PAFAH1B1: variants seen among roughly 807,000 people sequenced by gnomAD.
The protein encoded by PAFAH1B1 is platelet activating factor acetylhydrolase 1b regulatory subunit 1.
In PAFAH1B1, 2 loss-of-function variants were observed where a neutral mutation model predicts 57.5. The observed-to-expected ratio is 0.03, with a 90% CI of 0.01 to 0.11. The LOEUF (loss-of-function observed/expected upper bound fraction) is 0.11. Ranked by LOEUF, PAFAH1B1 falls within the 10% of genes least tolerant of loss-of-function variation. PAFAH1B1 has a pLI of 1.00. For missense variants in PAFAH1B1, 257 were observed against 512.0 expected, an observed-to-expected ratio of 0.50 and a Z score of 4.81; for synonymous variants, 152 against 169.6, an observed-to-expected ratio of 0.90 and a Z score of 0.81.
At chr17:2,663,118 TAAAG>T (rs142435679) in intron 2 of PAFAH1B1, among the ~76,000 whole-genome samples, 10,953 of 149,694 alleles carry the variant, frequency 0.073, 584 homozygotes, top group Non-Finnish European at 0.11. Context: ...TGTCTCTAAA[TAAAG>T]AAAGAAAGAG....
chr17:2,662,614 A>G (rs2069033544), intron 2 of PAFAH1B1, among the ~76,000 whole-genome samples: 1 of 151,898 alleles, frequency 6.6e-6, no homozygotes, highest in South Asian at 2.1e-4. Context: ...CATGTTGGCC[A>G]GGCTGCTCTT....
intron 1 of PAFAH1B1, among the ~76,000 whole-genome samples, chr17:2,626,278 T>C (rs970572731): frequency 6.6e-6 from 1 of 152,064 alleles, no homozygotes; most frequent in African/African-American, 2.4e-5. Flanking sequence ...ATTTCTGTTT[T>C]CATGTGGTAT....
chr17:2,621,605 G>GTTTTTTTTTTTTTTTTTTTTTT lies in PAFAH1B1; in HGVS notation c.-190-16493_-190-16492insTTTTTTTTTTTTTTTTTTTTTT, dbSNP rs2068421993. On this transcript the variant is annotated intron_variant, in intron 1 of 10. Coordinates refer to ENST00000397195, the MANE Select transcript of PAFAH1B1 (RefSeq NM_000430.4). The stretch of plus-strand genomic sequence containing the variant: ...GCTATTCAAGCATGGTAGATAATCT[G>GTTTTTTTTTTTTTTTTTTTTTT]TCTTTTTTTTTTTTTTTTTTTTTTT... Among the ~76,000 whole-genome samples the GTTTTTTTTTTTTTTTTTTTTTT allele has an allele frequency of 4.3e-5, 4 of 93,208 alleles. 1 individual carries two copies. The highest frequency in any genetic ancestry group is 4.0e-5 in the Non-Finnish European group (2 of 49,582). 61.1% of individuals were successfully genotyped at this position (93,208 alleles called of 152,430 possible). A position where few individuals can be genotyped will look rare whatever the true frequency, so the allele number is the denominator to read the frequency against.
At chr17:2,672,535 A>G in intron 6 of PAFAH1B1, 120 bp from the exon 7 acceptor site, 1 of 710,660 alleles carries the variant, frequency 1.4e-6, no homozygotes, top group East Asian at 2.7e-5. Flanking sequence ...TATAAAATCC[A>G]GTGTATTTAG....
intron 1 of PAFAH1B1, among the ~76,000 whole-genome samples, chr17:2,626,103 AT>A (rs763279406): frequency 1.2e-4 from 18 of 152,060 alleles, no homozygotes; most frequent in South Asian, 1.0e-3. Flanking sequence ...ATACAAAAAA[AT>A]TTAGCTAGGC....
intron 1 of PAFAH1B1, among the ~76,000 whole-genome samples, chr17:2,618,121 A>G (rs1272265377): frequency 6.7e-6 from 1 of 149,872 alleles, no homozygotes; most frequent in Non-Finnish European, 1.5e-5. Flanking sequence ...GGTGGTGGGC[A>G]CCTGTAATCC....
Position 2,664,665 on chromosome 17 carries a change from G to GCGCTCTCT in PAFAH1B1, c.33-706_33-705insGCTCTCTC. Among the ~76,000 whole-genome samples the GCGCTCTCT allele has an allele frequency of 3.1e-3, 269 of 86,060 alleles. 3 individuals are homozygous for GCGCTCTCT. Among genetic ancestry groups the GCGCTCTCT allele is most frequent in the African/African-American group, 8.7e-3 (223 of 25,646 alleles). 56.5% of individuals were successfully genotyped at this position (86,060 alleles called of 152,430 possible). On this transcript the variant is annotated intron_variant, in intron 2 of 10. Transcript: ENST00000397195. Reference sequence around the variant, plus strand: ...TGATATATATCTATATCTATCTATCGCTCTCTCTCTCTCTCTCTCTCTCTC... The same window carrying GCGCTCTCT: ...TGATATATATCTATATCTATCTATCGCGCTCTCTCTCTCTCTCTCTCTCTCTCTCTCTC...
chr17:2,633,587 T>C (rs372833873), intron 1 of PAFAH1B1, among the ~76,000 whole-genome samples: 33 of 152,280 alleles, frequency 2.2e-4, no homozygotes, highest in East Asian at 9.6e-4. Flanking sequence ...TCATCTACTT[T>C]TAAAATATTT....
chr17:2,631,127 G>T (rs1046962233), intron 1 of PAFAH1B1, among the ~76,000 whole-genome samples: 4 of 152,042 alleles, frequency 2.6e-5, no homozygotes, highest in Non-Finnish European at 4.4e-5. Flanking sequence ...TGTAATCCCA[G>T]CTACTCAGGA....
At chr17:2,620,617 A>G (rs2068407568) in intron 1 of PAFAH1B1, among the ~76,000 whole-genome samples, 1 of 152,136 alleles carries the variant, frequency 6.6e-6, no homozygotes, top group African/African-American at 2.4e-5. Context: ...TAATCCCAGC[A>G]CTTTGGGAGG....
At chr17:2,651,395 G>A (rs534620092) in intron 2 of PAFAH1B1, among the ~76,000 whole-genome samples, 24 of 147,224 alleles carry the variant, frequency 1.6e-4, no homozygotes, top group African/African-American at 5.3e-4. Context: ...TGGCCAACAT[G>A]GCAAAACCCC....
intron 7 of PAFAH1B1, 60 bp from the exon 8 acceptor site, chr17:2,674,000 C>T: frequency 8.3e-7 from 1 of 1,210,688 alleles, no homozygotes; most frequent in Non-Finnish European, 1.2e-6. Flanking sequence ...TTTTATATCA[C>T]TTCTGGGAAG....
intron 3 of PAFAH1B1, 99 bp downstream of exon 3, chr17:2,665,555 T>C: frequency 1.3e-6 from 1 of 752,776 alleles, no homozygotes; most frequent in Non-Finnish European, 2.4e-6. Flanking sequence ...CATTTGTTAT[T>C]GTGGTCTACT....
At chr17:2,601,576 A>G (rs1200493835) in intron 1 of PAFAH1B1, among the ~76,000 whole-genome samples, 1 of 151,586 alleles carries the variant, frequency 6.6e-6, no homozygotes, top group Non-Finnish European at 1.5e-5. Flanking sequence ...CGAGTAGCTG[A>G]GATTACAGGT....
Position 2,655,255 on chromosome 17 carries a change from A to G in PAFAH1B1, c.33-10117A>G, listed in dbSNP as rs117260716. Among the ~76,000 whole-genome samples the G allele has an allele frequency of 3.3e-5, 5 of 151,948 alleles. No individual in the cohort carries two copies. The East Asian group carries it at 9.6e-4, about 29-fold the overall frequency. On this transcript the variant is annotated intron_variant, in intron 2 of 10. Coordinates refer to ENST00000397195, the MANE Select transcript of PAFAH1B1 (RefSeq NM_000430.4). ...ATGTAGGCATCTATAAAGATGATCA[A>G]GATATGATCAAGGTCAAAATTGTTG... is the stretch of plus-strand genomic sequence containing the variant.
At chr17:2,614,804 T>C (rs34761973) in intron 1 of PAFAH1B1, among the ~76,000 whole-genome samples, 23,010 of 151,900 alleles carry the variant, frequency 0.15, 2,325 homozygotes, top group Non-Finnish European at 0.22. Flanking sequence ...CCCAGGCCGG[T>C]GTTAAACTTC....
At chr17:2,646,308 GAA>G (rs1451205635) in intron 2 of PAFAH1B1, among the ~76,000 whole-genome samples, 1 of 152,032 alleles carries the variant, frequency 6.6e-6, no homozygotes, top group Admixed American at 6.6e-5. Flanking sequence ...TTAATAAAGA[GAA>G]AAGACATAAA....
chr17:2,595,460 G>T (rs2068075570), intron 1 of PAFAH1B1, among the ~76,000 whole-genome samples: 1 of 137,996 alleles, frequency 7.2e-6, no homozygotes, highest in Admixed American at 7.7e-5. Context: ...CGGCTTAATT[G>T]CTGCGGGGTC....
At chr17:2,644,815 T>C (rs2151639540) in intron 2 of PAFAH1B1, among the ~76,000 whole-genome samples, 1 of 152,302 alleles carries the variant, frequency 6.6e-6, no homozygotes, top group Non-Finnish European at 1.5e-5. Flanking sequence ...CACACTACCT[T>C]CATAATCAGG....
Sources: allele counts gnomAD v4.1 joint callset (sites outside exome capture counted in the v4.1 genomes callset), GRCh38; gene constraint gnomAD v4.1.1; transcripts MANE v1.5; gene names NCBI Gene and HGNC (gene_info 2026-07-23, HGNC 2026-07-21).